ZNF385D: variants seen among roughly 807,000 people sequenced by gnomAD.
ZNF385D encodes zinc finger protein 659.
ZNF385D carries 15 observed loss-of-function variants against 35.8 expected under a neutral mutation model. The ratio of observed to expected loss-of-function variants is 0.42; its 90% confidence interval spans 0.28 to 0.64. The LOEUF (loss-of-function observed/expected upper bound fraction) is 0.64, where lower values mean the gene tolerates loss of function less well. Ranked by LOEUF, ZNF385D falls within the 30% of genes least tolerant of loss-of-function variation. The probability of loss-of-function intolerance (pLI) is 0.23; values close to 1 mark genes in which losing one functional copy is unlikely to be tolerated. For missense variants in ZNF385D, 474 were observed against 494.6 expected (o/e 0.96, Z 0.39); for synonymous variants, 212 against 186.8 (o/e 1.13, Z -1.10).
intron 3 of ZNF385D, among the ~76,000 whole-genome samples, chr3:21,528,609 CAAATGGATCATAA>C (rs1166658475): frequency 2.6e-5 from 4 of 152,104 alleles, no homozygotes; most frequent in Non-Finnish European, 5.9e-5. Flanking sequence ...TGTGGTGGAT[CAAATGGATCATAA>C]CATTTGATTC....
intron 3 of ZNF385D, among the ~76,000 whole-genome samples, chr3:22,034,130 T>G (rs1354481715): frequency 6.6e-6 from 1 of 152,148 alleles, no homozygotes; most frequent in Non-Finnish European, 1.5e-5. Context: ...CCCCCCAAAT[T>G]CATACCTTGA....
intron 2 of ZNF385D, among the ~76,000 whole-genome samples, chr3:22,204,979 CAAA>C (rs761954306): frequency 1.1e-5 from 1 of 92,958 alleles, no homozygotes; most frequent in African/African-American, 4.2e-5. Context: ...TGACCAAATC[CAAA>C]AAAAAAAAAA....
At chr3:21,742,755 T>C (rs574010546) in intron 1 of ZNF385D, among the ~76,000 whole-genome samples, 26 of 152,328 alleles carry the variant, frequency 1.7e-4, no homozygotes, top group Non-Finnish European at 2.8e-4. Context: ...TTGCGATTGC[T>C]ACTCTATGAA....
chr3:22,248,641 T>A (rs1349734171), intron 2 of ZNF385D, among the ~76,000 whole-genome samples: 1 of 152,132 alleles, frequency 6.6e-6, no homozygotes, highest in East Asian at 1.9e-4. Flanking sequence ...TTATTCAACC[T>A]CTCTTAATCT....
chr3:21,955,870 G>T (rs1237199272), intron 3 of ZNF385D, among the ~76,000 whole-genome samples: 2 of 152,056 alleles, frequency 1.3e-5, no homozygotes, highest in Admixed American at 6.6e-5. Context: ...TATTTTTGTG[G>T]TTTTTCACAA....
chr3:21,424,296 T>C (rs1206318244), intron 6 of ZNF385D, among the ~76,000 whole-genome samples: 2 of 82,010 alleles, frequency 2.4e-5, no homozygotes, highest in African/African-American at 4.8e-5. Flanking sequence ...CTTATATATA[T>C]ATATTTATAT....
At chr3:22,261,918 TTTG>T (rs903881941) in intron 2 of ZNF385D, among the ~76,000 whole-genome samples, 7 of 151,966 alleles carry the variant, frequency 4.6e-5, no homozygotes, top group African/African-American at 9.7e-5. Context: ...TTAACCTTTT[TTTG>T]TTGTTGTTGT....
At chr3:22,040,559 T>G (rs1698602623) in intron 3 of ZNF385D, among the ~76,000 whole-genome samples, 1 of 152,112 alleles carries the variant, frequency 6.6e-6, no homozygotes, top group African/African-American at 2.4e-5. Flanking sequence ...TAAAAAGAAA[T>G]AATGATAATC....
rs188948350 is a variant in ZNF385D at position 22,182,964 on chromosome 3, T to C, written c.107-13929A>G. On this transcript the variant is annotated intron_variant, in intron 2 of 5. Transcript: ENST00000494108. ...GAAATGATGGATATGGATAGAAATATAGATCTAAGAAAAAATGTGAAAGAT... is the reference window on the plus strand; with the variant it reads ...GAAATGATGGATATGGATAGAAATACAGATCTAAGAAAAAATGTGAAAGAT... 1.8e-3 allele frequency among the ~76,000 whole-genome samples: 271 copies of C among 152,142 alleles called. 2 individuals are homozygous for C. The highest frequency in any genetic ancestry group is 6.3e-3 in the African/African-American group (260 of 41,546).
chr3:22,244,460 C>A lies in ZNF385D; in HGVS notation c.107-75425G>T, dbSNP rs115842805. ...ATTCTTATCATCAATACAAGAAATA[C>A]AATTTCTGTTTTATCTTTTGTTACT... On this transcript the variant is annotated intron_variant, in intron 2 of 5. Coordinates refer to the ZNF385D transcript ENST00000494108. Among the ~76,000 whole-genome samples the A allele has an allele frequency of 6.5e-3, 900 of 138,444 alleles. 50 individuals are homozygous for A. Among genetic ancestry groups the A allele is most frequent in the African/African-American group, 0.023 (851 of 37,368 alleles). The allele number at this position is 138,444 out of a possible 152,430, so 90.8% of individuals were successfully genotyped here.
chr3:21,721,486 C>T (rs993930112), intron 1 of ZNF385D, among the ~76,000 whole-genome samples: 2 of 151,706 alleles, frequency 1.3e-5, no homozygotes, highest in Admixed American at 1.3e-4. Flanking sequence ...AGGAAAATCC[C>T]CATCTTCAAA....
At chr3:21,658,588 T>G (rs2066142581) in intron 2 of ZNF385D, among the ~76,000 whole-genome samples, 1 of 137,976 alleles carries the variant, frequency 7.2e-6, no homozygotes, top group African/African-American at 2.5e-5. Flanking sequence ...CCTATCTACC[T>G]ATATATCTAT....
chr3:21,975,000 C>G (rs1446089115), intron 3 of ZNF385D, among the ~76,000 whole-genome samples: 1 of 152,186 alleles, frequency 6.6e-6, no homozygotes, highest in Non-Finnish European at 1.5e-5. Flanking sequence ...CTATAAAGAA[C>G]AGTTTGGCAG....
chr3:22,043,215 T>C (rs980727831), intron 3 of ZNF385D, among the ~76,000 whole-genome samples: 2 of 152,176 alleles, frequency 1.3e-5, no homozygotes, highest in African/African-American at 4.8e-5. Context: ...GATGTAATCA[T>C]GGCTAGAGTT....
intron 2 of ZNF385D, among the ~76,000 whole-genome samples, chr3:22,282,979 AG>A (rs1370602324): frequency 2.0e-5 from 3 of 152,096 alleles, no homozygotes; most frequent in Non-Finnish European, 2.9e-5. Flanking sequence ...CTTAAGGTAA[AG>A]GGGTGGACAA....
chr3:21,924,156 C>T (rs190052819), intron 3 of ZNF385D, among the ~76,000 whole-genome samples: 1 of 152,274 alleles, frequency 6.6e-6, no homozygotes, highest in African/African-American at 2.4e-5. Flanking sequence ...ACTTCTGCTT[C>T]CTGGAAAATG....
chr3:21,620,806 C>G (rs2064983599), intron 2 of ZNF385D, among the ~76,000 whole-genome samples: 1 of 152,130 alleles, frequency 6.6e-6, no homozygotes, highest in Non-Finnish European at 1.5e-5. Flanking sequence ...TTCCACAACA[C>G]TCTCGAGGCA....
At chr3:21,868,872 T>C (rs1005440879) in intron 3 of ZNF385D, among the ~76,000 whole-genome samples, 9 of 152,124 alleles carry the variant, frequency 5.9e-5, no homozygotes, top group Admixed American at 3.3e-4. Flanking sequence ...ATCTGTTACA[T>C]GGACACTCGA....
intron 2 of ZNF385D, among the ~76,000 whole-genome samples, chr3:22,249,594 C>T (rs958034582): frequency 1.2e-4 from 18 of 152,174 alleles, no homozygotes; most frequent in Non-Finnish European, 2.6e-4. Context: ...AGGATGAGGT[C>T]AGACAGGCTG....
Sources: gnomAD v4.1 joint callset for allele counts (sites outside exome capture counted in the v4.1 genomes callset) on GRCh38, gnomAD v4.1.1 for gene constraint, MANE v1.5 for transcripts, NCBI Gene and HGNC (gene_info 2026-07-23, HGNC 2026-07-21) for gene names.